The following NCAM2 variants were observed in gnomAD, a reference collection of about 807,000 sequenced individuals.
The protein encoded by NCAM2 is N-CAM-2.
NCAM2 carries 30 observed loss-of-function variants against 98.1 expected under a neutral mutation model. The observed-to-expected ratio is 0.31, with a 90% CI of 0.23 to 0.41. The LOEUF is 0.41. Ranked by LOEUF, NCAM2 falls within the 10% of genes least tolerant of loss-of-function variation. The probability of loss-of-function intolerance (pLI) is 1.00; values close to 1 mark genes in which losing one functional copy is unlikely to be tolerated. For synonymous variants in NCAM2, 368 were observed against 342.4 expected (o/e 1.07, Z -0.83); for missense variants, 867 against 1,005.8 (o/e 0.86, Z 1.87).
chr21:21,041,445 G>A (rs769917209), intron 1 of NCAM2, among the ~76,000 whole-genome samples: 9 of 152,174 alleles, frequency 5.9e-5, no homozygotes, highest in Non-Finnish European at 1.2e-4. Flanking sequence ...ACTTCTTTGA[G>A]AGTGATTTTA....
intron 8 of NCAM2, among the ~76,000 whole-genome samples, chr21:21,344,874 T>C (rs545301848): frequency 6.6e-6 from 1 of 152,282 alleles, no homozygotes; most frequent in Admixed American, 6.5e-5. Context: ...GCCATACTGC[T>C]GATGGCCACA....
chr21:21,479,682 G>A (rs1372274719), intron 15 of NCAM2, among the ~76,000 whole-genome samples: 2 of 149,250 alleles, frequency 1.3e-5, no homozygotes, highest in Non-Finnish European at 3.0e-5. Context: ...AAGCAGATAT[G>A]AAGGCACCAA....
intron 1 of NCAM2, among the ~76,000 whole-genome samples, chr21:21,234,726 T>A (rs1438251981): frequency 2.0e-5 from 3 of 151,926 alleles, no homozygotes; most frequent in Non-Finnish European, 4.4e-5. Context: ...TTAATGAGTG[T>A]CTGGAGCAGA....
chr21:21,154,597 G>A (rs1411275938), intron 1 of NCAM2, among the ~76,000 whole-genome samples: 1 of 151,770 alleles, frequency 6.6e-6, no homozygotes, highest in African/African-American at 2.4e-5. Flanking sequence ...GATTATTCTT[G>A]AAACATGAGT....
intron 5 of NCAM2, among the ~76,000 whole-genome samples, chr21:21,320,637 A>T (rs746314923): frequency 3.3e-5 from 5 of 152,178 alleles, no homozygotes; most frequent in Non-Finnish European, 5.9e-5. Flanking sequence ...TGACTATATG[A>T]AAGTAACAAT....
intron 8 of NCAM2, among the ~76,000 whole-genome samples, chr21:21,366,376 A>G (rs913110649): frequency 6.6e-6 from 1 of 152,038 alleles, no homozygotes; most frequent in African/African-American, 2.4e-5. Flanking sequence ...ACTGGGTACT[A>G]ATTATATCAC....
chr21:21,261,491 A>G (rs1463168744), intron 1 of NCAM2, among the ~76,000 whole-genome samples: 3 of 152,276 alleles, frequency 2.0e-5, no homozygotes, highest in Admixed American at 6.5e-5. Context: ...AAATTATGCC[A>G]AATATTTTGT....
At chr21:21,411,284 A>C (rs1190559797) in intron 10 of NCAM2, among the ~76,000 whole-genome samples, 1 of 147,726 alleles carries the variant, frequency 6.8e-6, no homozygotes, top group Non-Finnish European at 1.5e-5. Flanking sequence ...TTGAGGGCTA[A>C]AAATTTGTCT....
intron 1 of NCAM2, among the ~76,000 whole-genome samples, chr21:21,267,708 A>G (rs2072339195): frequency 6.6e-6 from 1 of 152,192 alleles, no homozygotes; most frequent in South Asian, 2.1e-4. Context: ...TCTAGAGTTA[A>G]GAGGAAGAGT....
At chr21:21,345,060 A>G (rs1170486148) in intron 8 of NCAM2, among the ~76,000 whole-genome samples, 5 of 152,320 alleles carry the variant, frequency 3.3e-5, no homozygotes, top group East Asian at 1.9e-4. Flanking sequence ...AAGAACCTCA[A>G]CATTACTGGG....
At chr21:21,164,488 G>A (rs908540686) in intron 1 of NCAM2, among the ~76,000 whole-genome samples, 3 of 151,998 alleles carry the variant, frequency 2.0e-5, no homozygotes, top group African/African-American at 4.8e-5. Context: ...ACATAACCCC[G>A]AGAGACTAAC....
chr21:21,353,069 C>T (rs1024369905), intron 8 of NCAM2, among the ~76,000 whole-genome samples: 3 of 151,932 alleles, frequency 2.0e-5, no homozygotes, highest in African/African-American at 7.2e-5. Flanking sequence ...ACCATGTTGG[C>T]CAGGCTGGAA....
At chr21:21,454,978 A>G (rs1177802729) in intron 12 of NCAM2, among the ~76,000 whole-genome samples, 1 of 151,966 alleles carries the variant, frequency 6.6e-6, no homozygotes, top group Non-Finnish European at 1.5e-5. Flanking sequence ...TTCTCTAGAT[A>G]CAAGGGGAAA....
intron 1 of NCAM2, among the ~76,000 whole-genome samples, chr21:21,056,361 G>C (rs890747888): frequency 6.6e-6 from 1 of 151,960 alleles, no homozygotes; most frequent in Admixed American, 6.6e-5. Flanking sequence ...TCCCCCAATA[G>C]CGTAATTTTA....
At chr21:21,460,423 T>C (rs2146188647) in intron 12 of NCAM2, among the ~76,000 whole-genome samples, 1 of 152,064 alleles carries the variant, frequency 6.6e-6, no homozygotes, top group East Asian at 1.9e-4. Context: ...AGTTCTGGTA[T>C]TAAATGAAAT....
chr21:21,269,766 C>T (rs2039257), intron 1 of NCAM2, among the ~76,000 whole-genome samples: 126,466 of 152,052 alleles, frequency 0.83, 52,888 homozygotes, highest in East Asian at 0.99. Flanking sequence ...TTTCCTTTTT[C>T]TCTACAATAT....
intron 1 of NCAM2, among the ~76,000 whole-genome samples, chr21:21,156,467 GA>G (rs1286452996): frequency 2.0e-5 from 3 of 151,508 alleles, no homozygotes; most frequent in Non-Finnish European, 4.4e-5. Flanking sequence ...TACCTAGTCA[GA>G]AAAAAAATAA....
chr21:21,171,585 A>G (rs1473868746), intron 1 of NCAM2, among the ~76,000 whole-genome samples: 1 of 152,050 alleles, frequency 6.6e-6, no homozygotes, highest in Non-Finnish European at 1.5e-5. Context: ...GTTTTTCTTA[A>G]CCACCCTTGA....
intron 1 of NCAM2, among the ~76,000 whole-genome samples, chr21:21,023,208 G>C (rs1459925267): frequency 6.6e-6 from 1 of 152,146 alleles, no homozygotes; most frequent in Admixed American, 6.6e-5. Flanking sequence ...TATGAAATGA[G>C]GTAACTGTAC....
Sources: gnomAD v4.1 joint callset for allele counts (sites outside exome capture counted in the v4.1 genomes callset) on GRCh38, gnomAD v4.1.1 for gene constraint, MANE v1.5 for transcripts, NCBI Gene and HGNC (gene_info 2026-07-23, HGNC 2026-07-21) for gene names.